The following COL25A1 variants were observed in gnomAD, a reference collection of about 807,000 sequenced individuals.
The protein encoded by COL25A1 is collagen alpha-1(XXV) chain.
In COL25A1, 103 loss-of-function variants were observed where a neutral mutation model predicts 128.4. That is an observed-to-expected ratio of 0.80 (90% confidence interval 0.68 to 0.94). The LOEUF (loss-of-function observed/expected upper bound fraction) is 0.94. Among genes scored for constraint, COL25A1 ranks in the 40% least tolerant of loss-of-function variants. The pLI, the probability that COL25A1 is intolerant of heterozygous loss-of-function variation, is 0.00. For synonymous variants in COL25A1, 279 were observed against 277.2 expected, an observed-to-expected ratio of 1.01 and a Z score of -0.06; for missense variants, 745 against 840.0, an observed-to-expected ratio of 0.89 and a Z score of 1.40.
intron 27 of COL25A1, among the ~76,000 whole-genome samples, chr4:108,846,958 C>T (rs111537418): frequency 0.078 from 11,661 of 149,324 alleles, 585 homozygotes; most frequent in African/African-American, 0.14. Flanking sequence ...CAGGCTGGAC[C>T]GCAATGGTGC....
chr4:109,043,081 A>C (rs1319540), intron 5 of COL25A1, among the ~76,000 whole-genome samples: 76,404 of 151,726 alleles, frequency 0.5, 21,331 homozygotes, highest in African/African-American at 0.73. Context: ...TAGATGTGCA[A>C]CCTTGGGCAA....
chr4:109,118,457 T>C (rs899050914), intron 3 of COL25A1, among the ~76,000 whole-genome samples: 3 of 151,976 alleles, frequency 2.0e-5, no homozygotes, highest in African/African-American at 7.2e-5. Flanking sequence ...TACATCACGT[T>C]GTACTTCATA....
At chr4:109,142,127 T>G (rs1396459474) in intron 3 of COL25A1, among the ~76,000 whole-genome samples, 1 of 152,212 alleles carries the variant, frequency 6.6e-6, no homozygotes, top group Non-Finnish European at 1.5e-5. Flanking sequence ...GTACATTGTT[T>G]CTTTGTTCTC....
chr4:109,115,706 C>T (rs573998214), intron 3 of COL25A1, among the ~76,000 whole-genome samples: 1 of 151,900 alleles, frequency 6.6e-6, no homozygotes, highest in African/African-American at 2.4e-5. Context: ...TCTAATACCC[C>T]CTTCTCCAGA....
At chr4:109,003,528 T>G (rs1465837954) in intron 6 of COL25A1, among the ~76,000 whole-genome samples, 1 of 152,212 alleles carries the variant, frequency 6.6e-6, no homozygotes, top group African/African-American at 2.4e-5. Flanking sequence ...AGGCCGGGCA[T>G]GGTGGCTCAC....
chr4:109,262,303 C>A lies in COL25A1; in HGVS notation c.367+38280G>T, dbSNP rs529994009. Among the ~76,000 whole-genome samples the A allele has an allele frequency of 3.2e-4, 48 of 152,124 alleles. 1 individual carries two copies. Among genetic ancestry groups the A allele is most frequent in the Non-Finnish European group, 5.6e-4 (38 of 68,004 alleles). ...CCGAGGCGGGTGGATCATCTGGGGT[C>A]AGGAGTTCGAGACCAGCCTGGCCAA... On this transcript the variant is annotated intron_variant, in intron 3 of 37. Coordinates refer to ENST00000399132, the MANE Select transcript of COL25A1 (RefSeq NM_198721.4).
intron 6 of COL25A1, among the ~76,000 whole-genome samples, chr4:109,007,342 A>G (rs1438990649): frequency 6.6e-6 from 1 of 152,216 alleles, no homozygotes; most frequent in African/African-American, 2.4e-5. Context: ...TTTAATTTCA[A>G]ATCTAACAAT....
intron 3 of COL25A1, among the ~76,000 whole-genome samples, chr4:109,218,357 G>GTTTTTTTTTTTGTTGTTTTTTTT (rs1778170047): frequency 1.4e-5 from 1 of 73,530 alleles, no homozygotes; most frequent in South Asian, 7.1e-4. Flanking sequence ...GTTTTTTGGG[G>GTTTTTTTTTTTGTTGTTTTTTTT]TTTTTTTTTT....
At chr4:108,901,449 T>C (rs989123542) in intron 13 of COL25A1, among the ~76,000 whole-genome samples, 1 of 152,086 alleles carries the variant, frequency 6.6e-6, no homozygotes, top group Non-Finnish European at 1.5e-5. Context: ...GCTGGGTACA[T>C]TGTGAACATC....
intron 3 of COL25A1, among the ~76,000 whole-genome samples, chr4:109,216,184 C>T (rs777393672): frequency 2.0e-5 from 3 of 151,926 alleles, no homozygotes; most frequent in Admixed American, 2.0e-4. Flanking sequence ...TCACTCTATC[C>T]GGTGTTCCTA....
chr4:109,110,786 T>G (rs1766921740), intron 3 of COL25A1, among the ~76,000 whole-genome samples: 1 of 152,164 alleles, frequency 6.6e-6, no homozygotes, highest in Non-Finnish European at 1.5e-5. Context: ...ACACAACAAA[T>G]AAGTTTCCAA....
intron 3 of COL25A1, among the ~76,000 whole-genome samples, chr4:109,220,535 A>G (rs540254533): frequency 6.6e-6 from 1 of 152,300 alleles, no homozygotes; most frequent in Admixed American, 6.5e-5. Flanking sequence ...GACTAATTCT[A>G]TCATGTATCA....
intron 3 of COL25A1, among the ~76,000 whole-genome samples, chr4:109,164,158 A>C (rs1048098008): frequency 1.3e-5 from 2 of 152,154 alleles, no homozygotes; most frequent in Non-Finnish European, 2.9e-5. Context: ...TGGCTTGTGC[A>C]CACAATGGAA....
rs183083644 is a variant in COL25A1, at chr4:108,879,076, C to T, written c.1020+5102G>A. 2.5e-3 allele frequency among the ~76,000 whole-genome samples: 383 copies of T among 152,268 alleles called. 1 individual carries two copies. Among genetic ancestry groups the T allele is most frequent in the Non-Finnish European group, 4.5e-3 (304 of 68,018 alleles). ...ATCTCTGGTGGATTTAGAAGATAAGCTTCTATTAGATTACTGAGCACTGTA... is the reference window on the plus strand; with the variant it reads ...ATCTCTGGTGGATTTAGAAGATAAGTTTCTATTAGATTACTGAGCACTGTA... On this transcript the variant is annotated intron_variant, in intron 19 of 37. Transcript: ENST00000399132.
intron 6 of COL25A1, among the ~76,000 whole-genome samples, chr4:109,001,372 C>CAGGCAGCTGAGATCCTGTCAGGT (rs1755347481): frequency 2.5e-4 from 6 of 24,148 alleles, no homozygotes; most frequent in South Asian, 2.3e-3. Context: ...TTAAAAGAAA[C>CAGGCAGCTGAGATCCTGTCAGGT]AGGCATCTGA....
At chr4:109,056,338 C>T (rs1761441815) in intron 3 of COL25A1, among the ~76,000 whole-genome samples, 1 of 151,880 alleles carries the variant, frequency 6.6e-6, no homozygotes, top group Non-Finnish European at 1.5e-5. Flanking sequence ...ATTTTTATAA[C>T]CTAATCAGAG....
At chr4:108,942,252 G>C (rs932328706) in intron 8 of COL25A1, 162 of 1,550,186 alleles carry the variant, frequency 1.0e-4, no homozygotes, top group Non-Finnish European at 1.3e-4. Flanking sequence ...AGCAACTGTG[G>C]GGAAGCCTGG....
chr4:108,993,031 T>G (rs1396948357), intron 6 of COL25A1, among the ~76,000 whole-genome samples: 3 of 152,210 alleles, frequency 2.0e-5, no homozygotes, highest in Non-Finnish European at 4.4e-5. Flanking sequence ...GTTATCATGT[T>G]GTGGTGAGAA....
At chr4:108,819,062 A>G (rs1215780187) in intron 36 of COL25A1, among the ~76,000 whole-genome samples, 190 bp downstream of exon 36, 1 of 152,228 alleles carries the variant, frequency 6.6e-6, no homozygotes, top group Non-Finnish European at 1.5e-5. Context: ...ATTAATTTGC[A>G]TTCATTGATA....
Sources: allele counts gnomAD v4.1 joint callset (sites outside exome capture counted in the v4.1 genomes callset), GRCh38; gene constraint gnomAD v4.1.1; transcripts MANE v1.5; gene names NCBI Gene and HGNC (gene_info 2026-07-23, HGNC 2026-07-21).